Variants in PTPRD observed in about 807,000 individuals in gnomAD.
PTPRD encodes protein tyrosine phosphatase receptor type D.
Under a neutral mutation model 214.5 loss-of-function variants are expected in PTPRD, and 34 were observed. The ratio of observed to expected loss-of-function variants is 0.16; its 90% CI spans 0.12 to 0.21. The LOEUF (loss-of-function observed/expected upper bound fraction) is 0.21. PTPRD is among the 10% of genes least tolerant of loss of function. The pLI is 1.00. For synonymous variants in PTPRD, 1,128 were observed against 845.7 expected, an observed-to-expected ratio of 1.33 and a Z score of -5.79; for missense variants, 2,545 against 2,398.7, an observed-to-expected ratio of 1.06 and a Z score of -1.27.
intron 5 of PTPRD, among the ~76,000 whole-genome samples, chr9:9,873,473 T>A (rs2066024716): frequency 6.6e-6 from 1 of 152,116 alleles, no homozygotes; most frequent in African/African-American, 2.4e-5. Flanking sequence ...CTTACTTTTT[T>A]TTTTCTATAA....
At chr9:9,769,994 T>TA (rs1483160596) in intron 5 of PTPRD, among the ~76,000 whole-genome samples, 1 of 152,188 alleles carries the variant, frequency 6.6e-6, no homozygotes, top group Non-Finnish European at 1.5e-5. Flanking sequence ...ACATTTTCTT[T>TA]ATCCAGTCTA....
At chr9:8,359,998 C>G (rs992198794) in intron 39 of PTPRD, among the ~76,000 whole-genome samples, 4 of 152,196 alleles carry the variant, frequency 2.6e-5, no homozygotes, top group African/African-American at 9.7e-5. Flanking sequence ...TAGGAGGCTA[C>G]TCTCCAGGTT....
At chr9:9,214,236 T>C (rs948169575) in intron 9 of PTPRD, among the ~76,000 whole-genome samples, 1 of 152,200 alleles carries the variant, frequency 6.6e-6, no homozygotes, top group Admixed American at 6.5e-5. Context: ...GAGTGATCAG[T>C]GCTCCAGATG....
chr9:9,488,951 G>C (rs1480841051), intron 8 of PTPRD, among the ~76,000 whole-genome samples: 1 of 152,078 alleles, frequency 6.6e-6, no homozygotes, highest in Non-Finnish European at 1.5e-5. Context: ...TGCTGCTTCT[G>C]AACATAGCAG....
At chr9:9,713,401 T>C (rs1478100505) in intron 7 of PTPRD, among the ~76,000 whole-genome samples, 1 of 152,196 alleles carries the variant, frequency 6.6e-6, no homozygotes, top group Non-Finnish European at 1.5e-5. Context: ...CTCTATGCTA[T>C]GCATTATGGA....
chr9:9,902,204 C>T, intron 5 of PTPRD, among the ~76,000 whole-genome samples: 1 of 150,118 alleles, frequency 6.7e-6, no homozygotes, highest in East Asian at 1.9e-4. Context: ...TGCATCAGCG[C>T]CCATGCATGA....
At chr9:9,661,588 A>T (rs545982972) in intron 7 of PTPRD, among the ~76,000 whole-genome samples, 1 of 151,858 alleles carries the variant, frequency 6.6e-6, no homozygotes, top group South Asian at 2.1e-4. Context: ...TATGCTGTTT[A>T]TATTTGTCTT....
intron 2 of PTPRD, among the ~76,000 whole-genome samples, chr9:10,570,054 T>C (rs1274640348): frequency 1.3e-5 from 2 of 152,136 alleles, no homozygotes; most frequent in African/African-American, 4.8e-5. Flanking sequence ...GTCAAATGTA[T>C]AAAGTGTAAA....
intron 11 of PTPRD, among the ~76,000 whole-genome samples, chr9:8,816,736 T>C (rs1224024541): frequency 6.6e-6 from 1 of 152,206 alleles, no homozygotes; most frequent in East Asian, 1.9e-4. Flanking sequence ...TATCAACATG[T>C]TAAATTACTC....
chr9:10,461,134 A>G (rs2098955347), intron 2 of PTPRD, among the ~76,000 whole-genome samples: 1 of 152,030 alleles, frequency 6.6e-6, no homozygotes, highest in African/African-American at 2.4e-5. Context: ...TAACAAGGAC[A>G]TGAAAAAGTG....
intron 5 of PTPRD, among the ~76,000 whole-genome samples, chr9:9,915,003 G>A (rs1326616304): frequency 6.6e-6 from 1 of 152,140 alleles, no homozygotes; most frequent in Non-Finnish European, 1.5e-5. Flanking sequence ...CTCACTGTGT[G>A]CACACATATG....
intron 11 of PTPRD, among the ~76,000 whole-genome samples, chr9:8,809,616 G>C (rs1035006067): frequency 5.3e-5 from 8 of 152,156 alleles, no homozygotes; most frequent in African/African-American, 9.7e-5. Context: ...TCTGCAACCA[G>C]AGTCTCTGAG....
chr9:9,834,213 T>C (rs779985716), intron 5 of PTPRD, among the ~76,000 whole-genome samples: 2 of 152,076 alleles, frequency 1.3e-5, no homozygotes, highest in Non-Finnish European at 2.9e-5. Flanking sequence ...GTCCCTCTGT[T>C]TGGGGTCCCT....
chr9:8,586,531 C>G (rs2093669872), intron 14 of PTPRD, among the ~76,000 whole-genome samples: 1 of 152,120 alleles, frequency 6.6e-6, no homozygotes, highest in Admixed American at 6.5e-5. Flanking sequence ...AAAAGGGAAC[C>G]TAACAGGCTG....
At chr9:9,430,437 T>C (rs1441790097) in intron 8 of PTPRD, among the ~76,000 whole-genome samples, 1 of 151,914 alleles carries the variant, frequency 6.6e-6, no homozygotes, top group African/African-American at 2.4e-5. Context: ...TCCATGTTCA[T>C]GGACAGGAAG....
At chr9:9,993,766 G>A (rs1566976068) in intron 4 of PTPRD, among the ~76,000 whole-genome samples, 1 of 48,966 alleles carries the variant, frequency 2.0e-5, no homozygotes, top group Non-Finnish European at 5.0e-5. Flanking sequence ...TTAGACATCT[G>A]TGATTTTTTG....
chr9:10,027,984 G>A (rs1246510971), intron 4 of PTPRD, among the ~76,000 whole-genome samples: 1 of 152,014 alleles, frequency 6.6e-6, no homozygotes, highest in Non-Finnish European at 1.5e-5. Context: ...TCTCCCACCT[G>A]TCCATTGATG....
chr9:9,529,589 G>A (rs547424709), intron 8 of PTPRD, among the ~76,000 whole-genome samples: 4 of 151,872 alleles, frequency 2.6e-5, no homozygotes, highest in Non-Finnish European at 5.9e-5. Flanking sequence ...CAGTAAGATA[G>A]GACTACATAC....
intron 3 of PTPRD, among the ~76,000 whole-genome samples, chr9:10,260,291 G>A (rs141465750): frequency 3.2e-4 from 49 of 152,106 alleles, no homozygotes; most frequent in African/African-American, 7.2e-4. Context: ...AACCTTACCC[G>A]GCCCAAGAAA....
Sources: allele counts gnomAD v4.1 joint callset (sites outside exome capture counted in the v4.1 genomes callset), GRCh38; gene constraint gnomAD v4.1.1; transcripts MANE v1.5; gene names NCBI Gene and HGNC (gene_info 2026-07-23, HGNC 2026-07-21).